Variants in IL17RD observed in about 807,000 individuals in gnomAD.
IL17RD encodes the protein interleukin 17 receptor D.
Under a neutral mutation model 80.5 loss-of-function variants are expected in IL17RD, and 52 were observed. The observed-to-expected ratio is 0.65, with a 90% CI of 0.52 to 0.81. The LOEUF is 0.81. IL17RD is among the 40% of genes least tolerant of loss of function. IL17RD has a pLI of 0.00. For synonymous variants in IL17RD, 416 were observed against 391.8 expected (o/e 1.06, Z -0.73); for missense variants, 1,024 against 955.1 (o/e 1.07, Z -0.95).
At position 57,127,343 on chromosome 3, in the gene IL17RD, T is replaced by A. The variant is rs1474445947; in HGVS notation, c.127-7030A>T. On this transcript the variant is annotated intron_variant, in intron 1 of 12. Coordinates refer to ENST00000296318, the MANE Select transcript of IL17RD (RefSeq NM_017563.5). Reference sequence around the variant, plus strand: ...ATATATATAAATATATATAAAAATATATATAAATATATATAAATATAAATA... The same window carrying A: ...ATATATATAAATATATATAAAAATAAATATAAATATATATAAATATAAATA... Among the ~76,000 whole-genome samples the A allele has an allele frequency of 4.7e-3, 481 of 102,444 alleles. 26 individuals carry two copies. The highest frequency in any genetic ancestry group is 0.02 in the African/African-American group (446 of 22,406). The allele number at this position is 102,444 out of a possible 152,430, so 67.2% of individuals were successfully genotyped here.
In IL17RD at chr3:57,163,803, A is replaced by AGGGGGGGGGGGGGGGGGGGGGG. The variant is rs1401715931; in HGVS notation, c.126+1357_126+1358insCCCCCCCCCCCCCCCCCCCCCC. On this transcript the variant is annotated intron_variant, in intron 1 of 12. Coordinates refer to ENST00000296318, the MANE Select transcript of IL17RD (RefSeq NM_017563.5). ...AATGGGGCGGGGGGGCGGGGGGGGA[A>AGGGGGGGGGGGGGGGGGGGGGG]GGGGGTGGCGGGGGCGGAGGCAGAG... Among the ~76,000 whole-genome samples the AGGGGGGGGGGGGGGGGGGGGGG allele has an allele frequency of 5.4e-4, 3 of 5,552 alleles. 1 individual carries two copies. Among genetic ancestry groups the AGGGGGGGGGGGGGGGGGGGGGG allele is most frequent in the African/African-American group, 1.5e-3 (2 of 1,320 alleles). 3.6% of individuals were successfully genotyped at this position (5,552 alleles called of 152,430 possible). A position where few individuals can be genotyped will look rare whatever the true frequency, so the allele number is the denominator to read the frequency against.
intron 1 of IL17RD, chr3:57,164,906 A>T (rs1225214326): frequency 1.3e-4 from 154 of 1,228,352 alleles, no homozygotes; most frequent in Non-Finnish European, 1.4e-4. Flanking sequence ...TCTGAATGGG[A>T]CCCCGGCCGG....
intron 1 of IL17RD, among the ~76,000 whole-genome samples, chr3:57,140,434 G>A (rs576050243): frequency 3.4e-4 from 51 of 152,210 alleles, no homozygotes; most frequent in Non-Finnish European, 6.6e-4. Context: ...GGCTAGAATG[G>A]TATCAGTAGG....
chr3:57,163,581 G>C (rs2060321299), intron 1 of IL17RD, among the ~76,000 whole-genome samples: 1 of 152,062 alleles, frequency 6.6e-6, no homozygotes, highest in Non-Finnish European at 1.5e-5. Context: ...TGATATTGTA[G>C]TCATTCAAAA....
At chr3:57,155,728 T>G (rs1394683081) in intron 1 of IL17RD, among the ~76,000 whole-genome samples, 2 of 152,140 alleles carry the variant, frequency 1.3e-5, no homozygotes, top group Non-Finnish European at 2.9e-5. Flanking sequence ...GTAGCTAGGA[T>G]TACAGGTGCA....
chr3:57,142,892 A>G (rs2107527935), intron 1 of IL17RD, among the ~76,000 whole-genome samples: 1 of 152,222 alleles, frequency 6.6e-6, no homozygotes, highest in Non-Finnish European at 1.5e-5. Flanking sequence ...CAACCCAATG[A>G]TTTCATTCCC....
At chr3:57,102,980 G>A in intron 9 of IL17RD, 111 bp downstream of exon 9, 2 of 714,888 alleles carry the variant, frequency 2.8e-6, no homozygotes, top group South Asian at 3.5e-5. Context: ...CATCATTTAA[G>A]AGAGAGGAGC....
At position 57,165,190 on chromosome 3, in the gene IL17RD, C is replaced by A; in HGVS notation, c.97G>T (p.Ala33Ser). Reference protein sequence around the residue: ...LAVAAGGSGRARGADTCGWRG... With the variant: ...LAVAAGGSGRSRGADTCGWRG... ...CAGCCACAGGTGTCGGCGCCCCGCGCGCGGCCGGACCCGCCAGCGGCCACA... is the reference window on the plus strand; with the variant it reads ...CAGCCACAGGTGTCGGCGCCCCGCGAGCGGCCGGACCCGCCAGCGGCCACA... The change falls in exon 1 of 13, where the codon GCG becomes TCG. Residue 33 changes from alanine (A) to serine (S), a missense_variant. Coordinates refer to ENST00000296318, the MANE Select transcript of IL17RD (RefSeq NM_017563.5). The A allele has an allele frequency of 6.5e-7, 1 of 1,527,376 alleles. No homozygotes were observed. The highest frequency in any genetic ancestry group is 1.2e-5 in the South Asian group (1 of 81,866). 94.6% of individuals were successfully genotyped at this position (1,527,376 alleles called of 1,614,324 possible). A position where few individuals can be genotyped will look rare whatever the true frequency, so the allele number is the denominator to read the frequency against.
intron 1 of IL17RD, among the ~76,000 whole-genome samples, chr3:57,159,234 C>A (rs1368446505): frequency 6.6e-6 from 1 of 151,938 alleles, no homozygotes; most frequent in Non-Finnish European, 1.5e-5. Flanking sequence ...CTCAAAGATT[C>A]CCCCCTTGGA....
chr3:57,097,932 C>T lies in IL17RD; in HGVS notation c.1771G>A (p.Val591Ile), dbSNP rs1560193290. 7 of 1,614,044 alleles carry T rather than the reference C, an allele frequency of 4.3e-6. No homozygotes were observed. Among genetic ancestry groups the T allele is most frequent in the Non-Finnish European group, 5.9e-6 (7 of 1,179,912 alleles). Residue 591 changes from valine to isoleucine, a missense_variant, in exon 12 of 13, where the codon GTC (valine) becomes ATC (isoleucine). By Grantham distance (29) the Val-to-Ile change is conservative. Transcript: ENST00000296318. ...CTCTCAGGCCCTGGTTTGCACATGA[C>T]ATCATTTAAAACCAAGCCCGAATCA... ...KFDSGLVLND[V>I]MCKPGPESDF...
intron 1 of IL17RD, among the ~76,000 whole-genome samples, chr3:57,124,811 T>C (rs1707415176): frequency 6.6e-6 from 1 of 152,164 alleles, no homozygotes; most frequent in South Asian, 2.1e-4. Context: ...GACCTCCATG[T>C]CACACACACG....
At chr3:57,131,526 G>A (rs1707608818) in intron 1 of IL17RD, among the ~76,000 whole-genome samples, 1 of 152,232 alleles carries the variant, frequency 6.6e-6, no homozygotes, top group Non-Finnish European at 1.5e-5. Flanking sequence ...CAAGGACTTT[G>A]AAGGTTTGAG....
intron 1 of IL17RD, among the ~76,000 whole-genome samples, chr3:57,160,382 T>C (rs2060295851): frequency 6.6e-6 from 1 of 152,156 alleles, no homozygotes; most frequent in Non-Finnish European, 1.5e-5. Flanking sequence ...TTCTTTCCTT[T>C]GTTGGGAAGT....
At chr3:57,129,796 G>A (rs550410915) in intron 1 of IL17RD, among the ~76,000 whole-genome samples, 3 of 152,330 alleles carry the variant, frequency 2.0e-5, no homozygotes, top group African/African-American at 7.2e-5. Flanking sequence ...GGTGGTCTCG[G>A]ACAGAAAAAC....
chr3:57,168,837 T>A (rs2060358446), upstream of IL17RD, among the ~76,000 whole-genome samples: 1 of 152,124 alleles, frequency 6.6e-6, no homozygotes, highest in Admixed American at 6.6e-5. Context: ...CTGCTTCAGC[T>A]TCCCAAGCAG....
chr3:57,159,022 G>C (rs1347884263), intron 1 of IL17RD, among the ~76,000 whole-genome samples: 1 of 152,020 alleles, frequency 6.6e-6, no homozygotes, highest in Admixed American at 6.5e-5. Flanking sequence ...ACACCAAAGG[G>C]TTTCCAACTC....
At position 57,090,931 on chromosome 3, in the gene IL17RD, G is replaced by A. The variant is rs1706540553; in HGVS notation, c.*5462C>T. ...AAACGCAGTGCTTGGTCAATTGAGA[G>A]CAGAACATAAACAAGATCCTGGAGG... On this transcript the variant is annotated 3_prime_UTR_variant, in exon 13 of 13. Coordinates refer to ENST00000296318, the MANE Select transcript of IL17RD (RefSeq NM_017563.5). 1.3e-5 allele frequency: 2 copies of A among 152,228 alleles called. 1 individual carries two copies. The highest frequency in any genetic ancestry group is 4.1e-4 in the South Asian group (2 of 4,830). The allele number at this position is 152,228 out of a possible 1,614,324, so 9.4% of individuals were successfully genotyped here.
At chr3:57,162,602 A>C (rs1181036328) in intron 1 of IL17RD, among the ~76,000 whole-genome samples, 1 of 152,176 alleles carries the variant, frequency 6.6e-6, no homozygotes, top group Non-Finnish European at 1.5e-5. Flanking sequence ...CCGAGAAAGG[A>C]AGCTGCAGAG....
At chr3:57,150,991 A>G (rs1455820173) in intron 1 of IL17RD, among the ~76,000 whole-genome samples, 3 of 152,248 alleles carry the variant, frequency 2.0e-5, no homozygotes, top group Admixed American at 2.0e-4. Flanking sequence ...CAACACAAGA[A>G]ATGCTATCAT....
Sources: allele counts gnomAD v4.1 joint callset (sites outside exome capture counted in the v4.1 genomes callset), GRCh38; gene constraint gnomAD v4.1.1; transcripts MANE v1.5; gene names NCBI Gene and HGNC (gene_info 2026-07-23, HGNC 2026-07-21).